The following PCSK5 variants were observed in gnomAD, a reference collection of about 807,000 sequenced individuals.
PCSK5 encodes proprotein convertase subtilisin/kexin type 5.
PCSK5 carries 129 observed loss-of-function variants against 233.2 expected under a neutral mutation model. The ratio of observed to expected loss-of-function variants is 0.55; its 90% CI spans 0.48 to 0.64. The LOEUF is 0.64. Among genes scored for constraint, PCSK5 ranks in the 30% least tolerant of loss-of-function variants. The pLI is 0.00. For missense variants in PCSK5, 2,076 were observed against 2,430.1 expected (o/e 0.85, Z 3.06); for synonymous variants, 825 against 879.2 (o/e 0.94, Z 1.09).
intron 17 of PCSK5, 84 bp downstream of exon 17, chr9:76,184,841 A>C: frequency 1.3e-6 from 1 of 787,476 alleles, no homozygotes; most frequent in Non-Finnish European, 2.1e-6. Context: ...TAAACAAGTA[A>C]ATAAACAGCT....
At position 76,331,379 on chromosome 9, in the gene PCSK5, G is replaced by A. The variant is rs1194166259; in HGVS notation, c.4571-1054G>A. ...ACAAGGGTCTGATAAGAGAGATGCC[G>A]GGGGTGGGCCAGGCATGGTGGCTCA... is the stretch of plus-strand genomic sequence containing the variant. On this transcript the variant is annotated intron_variant, in intron 33 of 37. Coordinates refer to ENST00000674117, the MANE Select transcript of PCSK5 (RefSeq NM_001372043.1). Among the ~76,000 whole-genome samples the A allele has an allele frequency of 4.6e-5, 7 of 151,916 alleles. No individual in the cohort carries two copies. The South Asian group carries it at 6.3e-4, about 14-fold the overall frequency.
intron 5 of PCSK5, among the ~76,000 whole-genome samples, chr9:76,030,724 A>ACAT (rs1828620098): frequency 6.6e-6 from 1 of 152,184 alleles, no homozygotes; most frequent in Admixed American, 6.5e-5. Flanking sequence ...CAATTCTTTG[A>ACAT]ATATTGGCTT....
intron 30 of PCSK5, among the ~76,000 whole-genome samples, chr9:76,320,659 A>C (rs1051849018): frequency 3.3e-5 from 5 of 149,912 alleles, no homozygotes; most frequent in Admixed American, 6.6e-5. Context: ...TTTTTAGTAG[A>C]GACTGGGTTT....
At chr9:75,980,563 G>T (rs1388829320) in intron 2 of PCSK5, among the ~76,000 whole-genome samples, 1 of 152,038 alleles carries the variant, frequency 6.6e-6, no homozygotes, top group African/African-American at 2.4e-5. Flanking sequence ...GCTTTATTTG[G>T]TTCACAAGTA....
intron 5 of PCSK5, among the ~76,000 whole-genome samples, chr9:76,067,724 TC>T (rs1383491428): frequency 4.6e-5 from 7 of 152,236 alleles, no homozygotes; most frequent in Non-Finnish European, 4.4e-5. Context: ...AAGGAGATTG[TC>T]CGGTTGGGAA....
intron 8 of PCSK5, among the ~76,000 whole-genome samples, chr9:76,098,902 G>A (rs1831644374): frequency 6.6e-6 from 1 of 152,158 alleles, no homozygotes; most frequent in Non-Finnish European, 1.5e-5. Flanking sequence ...TGACTCCCAT[G>A]GCAGGGGTGT....
At chr9:76,194,546 C>T (rs1824591006) in intron 20 of PCSK5, 1 of 206,948 alleles carries the variant, frequency 4.8e-6, no homozygotes, top group Non-Finnish European at 1.0e-5. Context: ...CCCTCTATAA[C>T]TATGCCATAC....
chr9:76,285,849 C>G (rs1361370045), intron 24 of PCSK5, among the ~76,000 whole-genome samples: 1 of 151,872 alleles, frequency 6.6e-6, no homozygotes, highest in East Asian at 1.9e-4. Context: ...AGCATTTTAG[C>G]TAGTATGTTC....
At chr9:75,996,449 G>A (rs1258295751) in intron 3 of PCSK5, among the ~76,000 whole-genome samples, 1 of 152,120 alleles carries the variant, frequency 6.6e-6, no homozygotes, top group Non-Finnish European at 1.5e-5. Flanking sequence ...CCAGGACATG[G>A]CAGAACTGTA....
chr9:76,029,996 A>C (rs1828588377), intron 5 of PCSK5, among the ~76,000 whole-genome samples: 5 of 152,168 alleles, frequency 3.3e-5, no homozygotes. Flanking sequence ...TACTCAAAAA[A>C]AGTTTCTAAA....
At chr9:76,188,339 T>C (rs1158950264) in intron 17 of PCSK5, among the ~76,000 whole-genome samples, 6 of 152,082 alleles carry the variant, frequency 3.9e-5, no homozygotes, top group Non-Finnish European at 8.8e-5. Context: ...AAGGAGGCTG[T>C]CCCCGAAGCC....
intron 24 of PCSK5, among the ~76,000 whole-genome samples, chr9:76,251,183 CTT>C (rs1826787605): frequency 6.6e-6 from 1 of 152,136 alleles, no homozygotes; most frequent in African/African-American, 2.4e-5. Flanking sequence ...GGGAGGAAGA[CTT>C]AAGCCCAGGA....
intron 8 of PCSK5, among the ~76,000 whole-genome samples, chr9:76,104,190 C>T (rs553386106): frequency 2.6e-5 from 4 of 152,128 alleles, no homozygotes; most frequent in South Asian, 2.1e-4. Flanking sequence ...CTCTTAATGA[C>T]GAAAACCCTG....
chr9:76,159,327 G>A (rs1199454354), intron 12 of PCSK5, among the ~76,000 whole-genome samples, 156 bp downstream of exon 12: 1 of 152,236 alleles, frequency 6.6e-6, no homozygotes, highest in Non-Finnish European at 1.5e-5. Context: ...TAGAGAGTGT[G>A]AAGCTGCCTA....
rs1321206388 is a variant in PCSK5 at position 76,179,636 on chromosome 9, G to T, written c.1941G>T (p.Gly647=). The T allele has an allele frequency of 1.9e-6, 3 of 1,613,866 alleles. No individual in the cohort carries two copies. Among genetic ancestry groups the T allele is most frequent in the Non-Finnish European group, 8.5e-7 (1 of 1,179,796 alleles). ...DPECSEVGCD[G]PGPDHCNDCL... is the part of the protein sequence containing the mutation. Reference sequence around the variant, plus strand: ...AGTGCAGTGAGGTTGGCTGTGACGGGCCAGGACCAGACCACTGCAATGACT... The same window carrying T: ...AGTGCAGTGAGGTTGGCTGTGACGGTCCAGGACCAGACCACTGCAATGACT... The change falls in exon 15 of 38, where the codon GGG becomes GGT. Residue 647 remains glycine, a synonymous_variant. Coordinates refer to ENST00000674117, the MANE Select transcript of PCSK5 (RefSeq NM_001372043.1).
At chr9:76,194,240 A>AT (rs550439031) in intron 20 of PCSK5, 71 of 145,572 alleles carry the variant, frequency 4.9e-4, no homozygotes, top group Admixed American at 1.3e-3. Flanking sequence ...CATTACCCCC[A>AT]TTTTTTTTTT....
intron 3 of PCSK5, among the ~76,000 whole-genome samples, chr9:76,015,690 T>G (rs1486125956): frequency 6.6e-6 from 1 of 152,186 alleles, no homozygotes; most frequent in African/African-American, 2.4e-5. Flanking sequence ...TGGACAACTT[T>G]AGGTGTTCTT....
At chr9:75,970,915 C>T (rs907834415) in intron 2 of PCSK5, among the ~76,000 whole-genome samples, 7 of 152,110 alleles carry the variant, frequency 4.6e-5, no homozygotes, top group Admixed American at 6.5e-5. Context: ...TGAGACACCA[C>T]GCCTGGATAA....
rs148931006 is a variant in PCSK5, at chr9:76,314,717, A to C, written c.3884+3866A>C. On this transcript the variant is annotated intron_variant, in intron 30 of 37. Transcript: ENST00000674117. ...AATGGCGCGATCTCGGCTCACTGCA[A>C]TCTCTGCCTCCCAGGTTCAAGCAAT... 6.0e-3 allele frequency among the ~76,000 whole-genome samples: 917 copies of C among 152,172 alleles called. 11 individuals carry two copies. The highest frequency in any genetic ancestry group is 0.021 in the African/African-American group (861 of 41,508).
Sources: allele counts gnomAD v4.1 joint callset (sites outside exome capture counted in the v4.1 genomes callset), GRCh38; gene constraint gnomAD v4.1.1; transcripts MANE v1.5; gene names NCBI Gene and HGNC (gene_info 2026-07-23, HGNC 2026-07-21).